The following IMMP2L variants were observed in gnomAD, a reference collection of about 807,000 sequenced individuals.
The protein encoded by IMMP2L is mitochondrial inner membrane protease subunit 2.
A neutral mutation model predicts 19.3 loss-of-function variants in IMMP2L; 18 were observed. The observed-to-expected ratio is 0.93, with a 90% CI of 0.64 to 1.38. IMMP2L has a LOEUF of 1.38. Among genes scored for constraint, IMMP2L ranks in the 40% most tolerant of loss-of-function variants. The probability of loss-of-function intolerance (pLI) is 0.00; values close to 1 mark genes in which losing one functional copy is unlikely to be tolerated. For missense variants in IMMP2L, 233 were observed against 218.2 expected (o/e 1.07, Z -0.43); for synonymous variants, 76 against 73.0 (o/e 1.04, Z -0.21).
At chr7:110,961,216 C>T (rs74758132) in intron 4 of IMMP2L, among the ~76,000 whole-genome samples, 3,598 of 151,832 alleles carry the variant, frequency 0.024, 125 homozygotes, top group East Asian at 0.075. Flanking sequence ...AGATTCATTC[C>T]CACAAATATA....
At chr7:111,075,506 TTC>T (rs1795324116) in intron 3 of IMMP2L, among the ~76,000 whole-genome samples, 1 of 152,198 alleles carries the variant, frequency 6.6e-6, no homozygotes, top group Non-Finnish European at 1.5e-5. Context: ...ATAGTGAATA[TTC>T]TGTTTTCATA....
chr7:111,263,351 A>G (rs1817517594), intron 3 of IMMP2L, among the ~76,000 whole-genome samples: 1 of 152,108 alleles, frequency 6.6e-6, no homozygotes, highest in Admixed American at 6.6e-5. Flanking sequence ...ATTGGATATA[A>G]AATATGAAAA....
chr7:111,158,393 T>A (rs1386066520), intron 3 of IMMP2L, among the ~76,000 whole-genome samples: 1 of 152,102 alleles, frequency 6.6e-6, no homozygotes, highest in Non-Finnish European at 1.5e-5. Context: ...ATTTTTAAAT[T>A]GTATAATATA....
At chr7:111,238,214 C>T (rs1247433617) in intron 3 of IMMP2L, among the ~76,000 whole-genome samples, 1 of 151,890 alleles carries the variant, frequency 6.6e-6, no homozygotes, top group East Asian at 1.9e-4. Flanking sequence ...AATCCTGTAC[C>T]ATAAGGAAGA....
At chr7:110,743,656 G>A (rs1797134775) in intron 5 of IMMP2L, among the ~76,000 whole-genome samples, 1 of 152,090 alleles carries the variant, frequency 6.6e-6, no homozygotes, top group Non-Finnish European at 1.5e-5. Flanking sequence ...AGCAGGGTGG[G>A]GCATCACCTC....
chr7:110,919,703 A>T (rs2129550325), intron 4 of IMMP2L, among the ~76,000 whole-genome samples: 1 of 152,262 alleles, frequency 6.6e-6, no homozygotes. Flanking sequence ...TTCTAAGAGT[A>T]CCATTGTGAG....
chr7:111,201,707 C>A (rs1810149627), intron 3 of IMMP2L, among the ~76,000 whole-genome samples: 1 of 149,758 alleles, frequency 6.7e-6, no homozygotes, highest in Non-Finnish European at 1.5e-5. Flanking sequence ...CAGAGCAAGA[C>A]CCTGTCTCAA....
intron 3 of IMMP2L, among the ~76,000 whole-genome samples, chr7:111,105,116 T>G (rs1798400668): frequency 6.6e-6 from 1 of 151,846 alleles, no homozygotes; most frequent in Admixed American, 6.6e-5. Context: ...AATATATTCT[T>G]AACTCTGTAG....
Position 110,877,542 on chromosome 7 carries a change from T to C in IMMP2L, c.408+9051A>G, listed in dbSNP as rs1457815222. Among the ~76,000 whole-genome samples the C allele has an allele frequency of 6.6e-6, 1 of 152,132 alleles. No homozygotes were observed. The highest frequency in any genetic ancestry group is 1.9e-4 in the East Asian group (1 of 5,176). On this transcript the variant is annotated intron_variant, in intron 5 of 5. Coordinates refer to ENST00000405709, the MANE Select transcript of IMMP2L (RefSeq NM_032549.4). The surrounding 1 kb of genome is among the most constrained non-coding windows in gnomAD (Gnocchi z 4.0). ...AATGCAAAACCAAATGGTGAATTTATGGAATGATCAAGGCATAGGCAGGTA... is the reference window on the plus strand; with the variant it reads ...AATGCAAAACCAAATGGTGAATTTACGGAATGATCAAGGCATAGGCAGGTA...
chr7:110,963,053 A>C, intron 4 of IMMP2L: 1 of 1,526,966 alleles, frequency 6.5e-7, no homozygotes, highest in Non-Finnish European at 8.8e-7. Flanking sequence ...CTGATTCGGA[A>C]GTTTCTGTTT....
chr7:111,504,075 T>C lies in IMMP2L; in HGVS notation c.136-16734A>G, dbSNP rs887896255. Among the ~76,000 whole-genome samples the C allele has an allele frequency of 8.5e-4, 130 of 152,256 alleles. 1 individual carries two copies. The East Asian group carries it at 0.021, about 24-fold the overall frequency. ...ATGATTGTATATCTAGAAAACCCTA[T>C]TGTCTCAGCCCAAAATCTCCTTAAG... On this transcript the variant is annotated intron_variant, in intron 2 of 5. Coordinates refer to ENST00000405709, the MANE Select transcript of IMMP2L (RefSeq NM_032549.4).
intron 4 of IMMP2L, among the ~76,000 whole-genome samples, chr7:110,954,227 G>T (rs532848882): frequency 6.6e-6 from 1 of 152,118 alleles, no homozygotes; most frequent in East Asian, 1.9e-4. Context: ...CACAAAATTT[G>T]TCTCCAACAC....
chr7:111,014,424 A>G (rs142898159), intron 3 of IMMP2L, among the ~76,000 whole-genome samples: 1 of 152,208 alleles, frequency 6.6e-6, no homozygotes, highest in African/African-American at 2.4e-5. Context: ...TGTATGTACA[A>G]ATTACATTTT....
intron 1 of IMMP2L, among the ~76,000 whole-genome samples, chr7:111,538,635 A>C (rs112494275): frequency 4.6e-4 from 62 of 134,554 alleles, no homozygotes; most frequent in African/African-American, 1.7e-3. Context: ...CCTGTCTCTA[A>C]AAAAAAAAAA....
At chr7:110,794,770 A>G (rs1800749272) in intron 5 of IMMP2L, among the ~76,000 whole-genome samples, 1 of 152,118 alleles carries the variant, frequency 6.6e-6, no homozygotes, top group Non-Finnish European at 1.5e-5. Flanking sequence ...AGAATCATAC[A>G]TATGAGTTAA....
At chr7:110,745,805 T>C (rs1031141230) in intron 5 of IMMP2L, among the ~76,000 whole-genome samples, 1 of 152,104 alleles carries the variant, frequency 6.6e-6, no homozygotes, top group Non-Finnish European at 1.5e-5. Context: ...ACATATCAAA[T>C]TGTAAAGACC....
At chr7:111,346,834 A>C (rs1031557621) in intron 3 of IMMP2L, among the ~76,000 whole-genome samples, 1 of 151,988 alleles carries the variant, frequency 6.6e-6, no homozygotes, top group African/African-American at 2.4e-5. Flanking sequence ...CTCTGGTCAG[A>C]CTCTGGGCTT....
intron 5 of IMMP2L, among the ~76,000 whole-genome samples, chr7:110,703,805 A>G (rs1192737873): frequency 1.3e-5 from 2 of 152,190 alleles, no homozygotes; most frequent in East Asian, 3.8e-4. Context: ...CGGAATTGTA[A>G]TCATGTAGAA....
intron 3 of IMMP2L, among the ~76,000 whole-genome samples, chr7:111,080,584 GA>G (rs1403828278): frequency 1.1e-4 from 16 of 151,990 alleles, no homozygotes; most frequent in Admixed American, 5.2e-4. Context: ...ATAAGTGATT[GA>G]AAGGACATGG....
Sources: gnomAD v4.1 joint callset for allele counts (sites outside exome capture counted in the v4.1 genomes callset) on GRCh38, gnomAD v4.1.1 for gene constraint, Gnocchi (gnomAD v3.1) non-coding constraint, MANE v1.5 for transcripts, NCBI Gene and HGNC (gene_info 2026-07-23, HGNC 2026-07-21) for gene names.